NALF1: variants seen among roughly 807,000 people sequenced by gnomAD.
NALF1 encodes NALCN channel auxiliary factor 1.
A neutral mutation model predicts 48.4 loss-of-function variants in NALF1; 3 were observed. The observed-to-expected ratio is 0.06, with a 90% confidence interval of 0.03 to 0.16. NALF1 has a LOEUF of 0.16. Among genes scored for constraint, NALF1 ranks in the 10% least tolerant of loss-of-function variants. The pLI, the probability that NALF1 is intolerant of heterozygous loss-of-function variation, is 1.00. For synonymous variants in NALF1, 262 were observed against 245.7 expected (o/e 1.07, Z -0.62); for missense variants, 526 against 571.5 (o/e 0.92, Z 0.81).
chr13:107,363,645 A>G (rs2138957454), intron 1 of NALF1, among the ~76,000 whole-genome samples: 1 of 152,300 alleles, frequency 6.6e-6, no homozygotes, highest in Non-Finnish European at 1.5e-5. Context: ...AATTTTTTAA[A>G]AGAAGAGTAT....
At chr13:107,458,958 G>T (rs9520451) in intron 1 of NALF1, among the ~76,000 whole-genome samples, 104,709 of 151,450 alleles carry the variant, frequency 0.69, 36,838 homozygotes, top group Middle Eastern at 0.79. Context: ...GATCTTGCCT[G>T]AGAGAGGTAC....
At chr13:107,845,325 AT>A (rs1162312606) in intron 1 of NALF1, among the ~76,000 whole-genome samples, 2 of 152,154 alleles carry the variant, frequency 1.3e-5, no homozygotes, top group African/African-American at 4.8e-5. Context: ...ATTTGTAGTG[AT>A]CCATTTACAC....
At chr13:107,340,259 G>A (rs1219198861) in intron 1 of NALF1, among the ~76,000 whole-genome samples, 3 of 150,668 alleles carry the variant, frequency 2.0e-5, no homozygotes, top group African/African-American at 4.9e-5. Context: ...TCCTGCCTCA[G>A]CCTCCCGAGT....
chr13:107,484,435 A>G (rs1885297493), intron 1 of NALF1, among the ~76,000 whole-genome samples: 1 of 152,182 alleles, frequency 6.6e-6, no homozygotes, highest in African/African-American at 2.4e-5. Context: ...AGGCTTTGAC[A>G]AGGAGAACCA....
intron 1 of NALF1, among the ~76,000 whole-genome samples, chr13:107,408,645 G>A (rs139618362): frequency 1.3e-5 from 2 of 152,170 alleles, no homozygotes; most frequent in East Asian, 3.9e-4. Flanking sequence ...GTTCCATTCT[G>A]TGACAGATGA....
intron 1 of NALF1, among the ~76,000 whole-genome samples, chr13:107,641,696 G>A (rs183526664): frequency 4.6e-5 from 7 of 152,270 alleles, no homozygotes; most frequent in Non-Finnish European, 7.4e-5. Flanking sequence ...AATAGTCGGA[G>A]TCTCTAAGTC....
At chr13:107,685,104 G>A (rs75261684) in intron 1 of NALF1, among the ~76,000 whole-genome samples, 22,651 of 152,238 alleles carry the variant, frequency 0.15, 2,101 homozygotes, top group Middle Eastern at 0.33. Flanking sequence ...CAGGAGGTCA[G>A]GAGTTCGAGA....
intron 1 of NALF1, among the ~76,000 whole-genome samples, chr13:107,849,310 C>T (rs1049507963): frequency 4.6e-5 from 7 of 152,300 alleles, no homozygotes; most frequent in Non-Finnish European, 1.0e-4. Context: ...CTTCTCTGCA[C>T]ATCCTAGGGA....
intron 1 of NALF1, among the ~76,000 whole-genome samples, chr13:107,628,750 T>C (rs1879752271): frequency 6.6e-6 from 1 of 152,216 alleles, no homozygotes; most frequent in Non-Finnish European, 1.5e-5. Flanking sequence ...CAAATTTTAT[T>C]CATGTTTATA....
chr13:107,762,195 T>C (rs1877282155), intron 1 of NALF1, among the ~76,000 whole-genome samples: 3 of 151,520 alleles, frequency 2.0e-5, no homozygotes, highest in African/African-American at 7.3e-5. Context: ...GCGTCCTTTA[T>C]ATGTAGCTAT....
chr13:107,531,015 CACAT>C (rs966249904), intron 1 of NALF1, among the ~76,000 whole-genome samples: 3 of 76,374 alleles, frequency 3.9e-5, no homozygotes, highest in African/African-American at 1.1e-4. Context: ...CATTGTCATT[CACAT>C]ATATATATAT....
chr13:107,496,465 C>A (rs1875338178), intron 1 of NALF1, among the ~76,000 whole-genome samples: 1 of 152,126 alleles, frequency 6.6e-6, no homozygotes, highest in African/African-American at 2.4e-5. Flanking sequence ...GCTTGATGTC[C>A]TCACACTGGA....
Position 107,362,504 on chromosome 13 carries a change from G to A in NALF1, c.916-151749C>T, listed in dbSNP as rs538350530. Among the ~76,000 whole-genome samples, 1 of 152,216 alleles carries A rather than the reference G, an allele frequency of 6.6e-6. No homozygotes were observed. The highest frequency in any genetic ancestry group is 1.9e-4 in the East Asian group (1 of 5,152). On this transcript the variant is annotated intron_variant, in intron 1 of 2. Transcript: ENST00000375915. This position sits in a 1 kb window ranked among gnomAD's most constrained non-coding sequence, Gnocchi z 4.6. ...CATGACTCCAATTTATACCACTGTT[G>A]TCACTTGGCATTCTCCTGTGTGTCC... is the stretch of plus-strand genomic sequence containing the variant.
chr13:107,420,946 T>C (rs1337323580), intron 1 of NALF1, among the ~76,000 whole-genome samples: 1 of 152,170 alleles, frequency 6.6e-6, no homozygotes, highest in East Asian at 1.9e-4. Context: ...ATATCACCTG[T>C]TGTTATATCC....
At chr13:107,219,746 G>A (rs142860262) in intron 1 of NALF1, among the ~76,000 whole-genome samples, 264 of 152,164 alleles carry the variant, frequency 1.7e-3, no homozygotes, top group African/African-American at 6.1e-3. Flanking sequence ...AGATGTATTC[G>A]TTTCTTCATA....
intron 2 of NALF1, among the ~76,000 whole-genome samples, chr13:107,179,919 G>A (rs948970624): frequency 1.4e-5 from 2 of 144,568 alleles, no homozygotes; most frequent in Non-Finnish European, 3.0e-5. Flanking sequence ...TTCTTATAAC[G>A]CACCAGCATA....
intron 1 of NALF1, among the ~76,000 whole-genome samples, chr13:107,593,854 T>G (rs532366080): frequency 6.6e-6 from 1 of 151,948 alleles, no homozygotes; most frequent in Admixed American, 6.6e-5. Flanking sequence ...CTTGTATTTG[T>G]TTAGAGATTG....
chr13:107,330,858 T>G (rs1035644602), intron 1 of NALF1, among the ~76,000 whole-genome samples: 13 of 152,224 alleles, frequency 8.5e-5, no homozygotes, highest in African/African-American at 3.1e-4. Context: ...CAAAATTCTT[T>G]CAAATACATG....
At chr13:107,245,984 T>C (rs1326374560) in intron 1 of NALF1, among the ~76,000 whole-genome samples, 3 of 152,014 alleles carry the variant, frequency 2.0e-5, no homozygotes, top group Non-Finnish European at 4.4e-5. Flanking sequence ...ACTACCTTTC[T>C]CCACAAATCA....
Sources: gnomAD v4.1 joint callset for allele counts (sites outside exome capture counted in the v4.1 genomes callset) on GRCh38, gnomAD v4.1.1 for gene constraint, Gnocchi (gnomAD v3.1) non-coding constraint, MANE v1.5 for transcripts, NCBI Gene and HGNC (gene_info 2026-07-23, HGNC 2026-07-21) for gene names.